The following PLEKHA5 variants were observed in gnomAD, a reference collection of about 807,000 sequenced individuals.
PLEKHA5 encodes pleckstrin homology domain containing A5.
In PLEKHA5, 55 loss-of-function variants were observed where a neutral mutation model predicts 181.9. That is an observed-to-expected ratio of 0.30 (90% CI 0.24 to 0.38). PLEKHA5 has a LOEUF of 0.38. PLEKHA5 is among the 10% of genes least tolerant of loss of function. The pLI is 1.00. For synonymous variants in PLEKHA5, 535 were observed against 529.4 expected, an observed-to-expected ratio of 1.01 and a Z score of -0.15; for missense variants, 1,432 against 1,549.5, an observed-to-expected ratio of 0.92 and a Z score of 1.27.
At chr12:19,138,282 T>TA (rs986090006) in intron 3 of PLEKHA5, among the ~76,000 whole-genome samples, 1 of 151,858 alleles carries the variant, frequency 6.6e-6, no homozygotes, top group Non-Finnish European at 1.5e-5. Context: ...GTTAATGGTG[T>TA]AAAAAAATGG....
At chr12:19,225,665 T>A (rs2059592763) in intron 3 of PLEKHA5, among the ~76,000 whole-genome samples, 1 of 152,218 alleles carries the variant, frequency 6.6e-6, no homozygotes, top group Admixed American at 6.5e-5. Flanking sequence ...CCAAAAAGTT[T>A]CCTCAAGGAT....
chr12:19,364,821 G>A (rs1484124495), intron 29 of PLEKHA5, among the ~76,000 whole-genome samples: 1 of 151,804 alleles, frequency 6.6e-6, no homozygotes, highest in Non-Finnish European at 1.5e-5. Context: ...GCCTGCCACT[G>A]TGCCCGGCTA....
intron 11 of PLEKHA5, among the ~76,000 whole-genome samples, chr12:19,280,036 GTTTTTTTTTTTTTT>G (rs869050795): frequency 2.0e-4 from 11 of 54,506 alleles, no homozygotes; most frequent in East Asian, 1.2e-3. Flanking sequence ...AATGAAACCT[GTTTTTTTTTTTTTT>G]TTTTTTTTTT....
At chr12:19,274,424 C>T (rs2073971582) in intron 10 of PLEKHA5, 92 bp from the exon 11 acceptor site, 1 of 832,102 alleles carries the variant, frequency 1.2e-6, no homozygotes, top group Admixed American at 2.7e-5. Context: ...GGCCCCCACC[C>T]CCGTAAAGTA....
chr12:19,254,780 G>A (rs1183095962), intron 4 of PLEKHA5, among the ~76,000 whole-genome samples: 1 of 152,150 alleles, frequency 6.6e-6, no homozygotes, highest in Admixed American at 6.5e-5. Context: ...CCAAGATTAC[G>A]CCACTGCACT....
At chr12:19,212,725 GA>G in intron 3 of PLEKHA5, among the ~76,000 whole-genome samples, 1 of 152,062 alleles carries the variant, frequency 6.6e-6, no homozygotes, top group Non-Finnish European at 1.5e-5. Flanking sequence ...AATGTTGCAT[GA>G]CCAGTATGTT....
At chr12:19,152,358 A>G (rs2040615453) in intron 3 of PLEKHA5, 1 of 152,200 alleles carries the variant, frequency 6.6e-6, no homozygotes, top group Non-Finnish European at 1.5e-5. Flanking sequence ...AATTCTCAGA[A>G]ACACCTGGAA....
At chr12:19,312,185 A>T (rs1175669787) in intron 15 of PLEKHA5, among the ~76,000 whole-genome samples, 2 of 152,204 alleles carry the variant, frequency 1.3e-5, no homozygotes, top group Non-Finnish European at 2.9e-5. Context: ...ATGTGCTATC[A>T]TCCAGGCTTT....
chr12:19,132,715 T>C (rs138444999), intron 3 of PLEKHA5, among the ~76,000 whole-genome samples: 1 of 152,046 alleles, frequency 6.6e-6, no homozygotes, highest in East Asian at 1.9e-4. Context: ...AATAATTTTG[T>C]ATCTTCGTTT....
intron 3 of PLEKHA5, among the ~76,000 whole-genome samples, chr12:19,146,377 G>T (rs1011351750): frequency 2.6e-5 from 4 of 151,974 alleles, no homozygotes; most frequent in Non-Finnish European, 4.4e-5. Flanking sequence ...TTTTTCTATT[G>T]AGTTATTTTT....
At chr12:19,331,193 A>G (rs2092796131) in intron 20 of PLEKHA5, among the ~76,000 whole-genome samples, 1 of 152,226 alleles carries the variant, frequency 6.6e-6, no homozygotes, top group Non-Finnish European at 1.5e-5. Context: ...TATTTTAAAA[A>G]GAGGCAATGT....
rs1433277514 is a variant in PLEKHA5 at position 19,322,406 on chromosome 12, T to C, written c.2298+16T>C. ...CAAGGAGAAAGTAGGACAATTATGT[T>C]TATTGTCTACAATTGATGTTACTTA... On this transcript the variant is annotated intron_variant, in intron 19 of 31. Coordinates refer to ENST00000429027, the MANE Select transcript of PLEKHA5 (RefSeq NM_001256470.2). 1 of 1,594,926 alleles carries C rather than the reference T, an allele frequency of 6.3e-7. No individual in the cohort carries two copies. The highest frequency in any genetic ancestry group is 1.7e-5 in the Admixed American group (1 of 59,974).
At chr12:19,365,896 A>G (rs1253334012) in intron 29 of PLEKHA5, 68 bp from the exon 30 acceptor site, 1 of 1,089,550 alleles carries the variant, frequency 9.2e-7, no homozygotes, top group Non-Finnish European at 1.3e-6. Flanking sequence ...ATCTTTTATA[A>G]CAAAAAAAAG....
At chr12:19,306,937 G>T in intron 15 of PLEKHA5, 2 of 947,656 alleles carry the variant, frequency 2.1e-6, no homozygotes, top group Non-Finnish European at 3.3e-6. Flanking sequence ...TCTTCTGCTT[G>T]GTGTTGGGCT....
intron 7 of PLEKHA5, among the ~76,000 whole-genome samples, chr12:19,264,720 C>A (rs1229178256): frequency 6.6e-6 from 1 of 152,052 alleles, no homozygotes. Flanking sequence ...GGATGTTTCA[C>A]CAGATACTCT....
At chr12:19,325,611 C>G (rs1263911181) in intron 20 of PLEKHA5, among the ~76,000 whole-genome samples, 1 of 151,104 alleles carries the variant, frequency 6.6e-6, no homozygotes, top group Non-Finnish European at 1.5e-5. Context: ...TTGCTTGAAC[C>G]CGGGAGGCGG....
intron 3 of PLEKHA5, among the ~76,000 whole-genome samples, chr12:19,206,488 G>A (rs572560445): frequency 1.3e-5 from 2 of 152,008 alleles, no homozygotes; most frequent in Admixed American, 6.6e-5. Context: ...TATTTCCTTC[G>A]GGGAAAATCA....
intron 12 of PLEKHA5, among the ~76,000 whole-genome samples, chr12:19,285,167 T>G (rs1218391837): frequency 6.6e-6 from 1 of 152,204 alleles, no homozygotes; most frequent in African/African-American, 2.4e-5. Context: ...AGTTCAGTGT[T>G]TCCTCACTTT....
chr12:19,336,651 C>T, intron 21 of PLEKHA5, 35 bp downstream of exon 21: 2 of 1,138,638 alleles, frequency 1.8e-6, no homozygotes, highest in Non-Finnish European at 2.6e-6. Flanking sequence ...ATTGTTTTAA[C>T]TGTTTTTACT....
Sources: allele counts gnomAD v4.1 joint callset (sites outside exome capture counted in the v4.1 genomes callset), GRCh38; gene constraint gnomAD v4.1.1; transcripts MANE v1.5; gene names NCBI Gene and HGNC (gene_info 2026-07-23, HGNC 2026-07-21).